Variants in TMEM132B observed in about 807,000 individuals in gnomAD.
TMEM132B encodes the protein transmembrane protein 132B.
Under a neutral mutation model 90.8 loss-of-function variants are expected in TMEM132B, and 18 were observed. The ratio of observed to expected loss-of-function variants is 0.20; its 90% CI spans 0.14 to 0.29. TMEM132B has a LOEUF of 0.29. Among genes scored for constraint, TMEM132B ranks in the 10% least tolerant of loss-of-function variants. The pLI, the probability that TMEM132B is intolerant of heterozygous loss-of-function variation, is 1.00. For synonymous variants in TMEM132B, 504 were observed against 523.3 expected (o/e 0.96, Z 0.50); for missense variants, 1,096 against 1,326.8 (o/e 0.83, Z 2.70).
intron 1 of TMEM132B, among the ~76,000 whole-genome samples, chr12:125,261,532 A>G (rs902435126): frequency 6.6e-6 from 1 of 152,184 alleles, no homozygotes; most frequent in African/African-American, 2.4e-5. Context: ...GTATACCATG[A>G]CCATATTTCC....
intron 1 of TMEM132B, among the ~76,000 whole-genome samples, chr12:125,317,242 G>T (rs906940546): frequency 1.3e-5 from 2 of 152,082 alleles, no homozygotes; most frequent in Non-Finnish European, 2.9e-5. Context: ...AGCATGGGTT[G>T]GTATACTCAA....
chr12:125,536,161 C>G (rs558654578), intron 4 of TMEM132B, among the ~76,000 whole-genome samples: 1 of 152,320 alleles, frequency 6.6e-6, no homozygotes, highest in African/African-American at 2.4e-5. Context: ...GGTCTTTGCT[C>G]TGCAAGGTGT....
rs989075918 is a variant in TMEM132B, at chr12:125,459,256, C to T, written c.1106+43579C>T. ...TCTTCTACGTGTGGGGAACCGCCAGCATGTCCTTGGCTCAAGTCACTCTGG... is the reference window on the plus strand; with the variant it reads ...TCTTCTACGTGTGGGGAACCGCCAGTATGTCCTTGGCTCAAGTCACTCTGG... On this transcript the variant is annotated intron_variant, in intron 3 of 8. Coordinates refer to ENST00000682704, the MANE Select transcript of TMEM132B (RefSeq NM_001366854.1). This position sits in a 1 kb window ranked among gnomAD's most constrained non-coding sequence, Gnocchi z 4.1. Among the ~76,000 whole-genome samples, 6 of 152,168 alleles carry T rather than the reference C, an allele frequency of 3.9e-5. No homozygotes were observed. Among genetic ancestry groups the T allele is most frequent in the Admixed American group, 2.6e-4 (4 of 15,286 alleles).
At chr12:125,509,823 G>A (rs1045301267) in intron 3 of TMEM132B, among the ~76,000 whole-genome samples, 10 of 150,874 alleles carry the variant, frequency 6.6e-5, no homozygotes, top group African/African-American at 2.4e-4. Flanking sequence ...ACAAGGTTCA[G>A]TCCTGCATCC....
At chr12:125,430,267 G>T (rs55845279) in intron 3 of TMEM132B, among the ~76,000 whole-genome samples, 1 of 152,054 alleles carries the variant, frequency 6.6e-6, no homozygotes, top group African/African-American at 2.4e-5. Flanking sequence ...TCGGGTGAGC[G>T]CACTGGCCGG....
chr12:125,223,435 G>A (rs1236212820), intron 1 of TMEM132B, among the ~76,000 whole-genome samples: 4 of 152,100 alleles, frequency 2.6e-5, no homozygotes, highest in Admixed American at 2.6e-4. Flanking sequence ...AAACAACGGA[G>A]TTATTTGTAA....
intron 4 of TMEM132B, among the ~76,000 whole-genome samples, chr12:125,566,934 T>C (rs1884673462): frequency 6.8e-6 from 1 of 147,658 alleles, no homozygotes; most frequent in Admixed American, 6.8e-5. Flanking sequence ...ACCTCCACCT[T>C]CTGGGCTCAA....
chr12:125,620,221 A>G (rs1452817454), intron 5 of TMEM132B, among the ~76,000 whole-genome samples: 1 of 152,370 alleles, frequency 6.6e-6, no homozygotes, highest in African/African-American at 2.4e-5. Flanking sequence ...GCACATAGAC[A>G]TACCTTTCAA....
Position 125,440,502 on chromosome 12 carries a change from T to G in TMEM132B, c.1106+24825T>G, listed in dbSNP as rs115186856. 3.2e-3 allele frequency among the ~76,000 whole-genome samples: 486 copies of G among 152,352 alleles called. 4 individuals carry two copies. The highest frequency in any genetic ancestry group is 0.011 in the African/African-American group (472 of 41,590). ...AACAGATGATGAATTTGATGCATTT[T>G]GATGCTGAGTGACTCATTAGGACCC... On this transcript the variant is annotated intron_variant, in intron 3 of 8. Coordinates refer to ENST00000682704, the MANE Select transcript of TMEM132B (RefSeq NM_001366854.1).
At chr12:125,223,839 C>T (rs750684224) in intron 1 of TMEM132B, among the ~76,000 whole-genome samples, 35 of 151,982 alleles carry the variant, frequency 2.3e-4, no homozygotes, top group South Asian at 1.2e-3. Flanking sequence ...TAGGGTGGCG[C>T]GATCTTGGTT....
intron 3 of TMEM132B, among the ~76,000 whole-genome samples, chr12:125,462,272 C>T (rs978515248): frequency 6.6e-6 from 1 of 152,122 alleles, no homozygotes; most frequent in Non-Finnish European, 1.5e-5. Flanking sequence ...GGACTCTTAG[C>T]CAATTTGATT....
At chr12:125,339,121 A>T (rs1405830267) in intron 1 of TMEM132B, among the ~76,000 whole-genome samples, 1 of 152,312 alleles carries the variant, frequency 6.6e-6, no homozygotes, top group Admixed American at 6.5e-5. Flanking sequence ...TTAACTTGGA[A>T]GGTGGAAAGC....
chr12:125,248,066 C>G (rs548941562), intron 1 of TMEM132B, among the ~76,000 whole-genome samples: 1 of 152,298 alleles, frequency 6.6e-6, no homozygotes, highest in South Asian at 2.1e-4. Flanking sequence ...TCACAGCCAC[C>G]ATGATTTTTA....
chr12:125,227,601 T>C (rs1873712295), intron 1 of TMEM132B, among the ~76,000 whole-genome samples: 1 of 152,122 alleles, frequency 6.6e-6, no homozygotes, highest in Non-Finnish European at 1.5e-5. Flanking sequence ...TGGAGATCTA[T>C]TAGGATGGTT....
At chr12:125,280,075 A>G (rs1162236279) in intron 1 of TMEM132B, among the ~76,000 whole-genome samples, 1 of 152,178 alleles carries the variant, frequency 6.6e-6, no homozygotes, top group Admixed American at 6.5e-5. Context: ...CACCCAGCTC[A>G]TAGGTGGTGG....
intron 1 of TMEM132B, among the ~76,000 whole-genome samples, chr12:125,299,574 C>T (rs905271100): frequency 3.3e-5 from 5 of 152,222 alleles, no homozygotes; most frequent in African/African-American, 1.2e-4. Context: ...CCACCTCTAG[C>T]CCCATGCAGC....
chr12:125,602,249 A>T (rs1885589530), intron 5 of TMEM132B, among the ~76,000 whole-genome samples: 1 of 152,230 alleles, frequency 6.6e-6, no homozygotes, highest in African/African-American at 2.4e-5. Context: ...GCAGCACATC[A>T]AAAAGCTTAT....
At chr12:125,505,195 A>AAAAAAAAAAAAAAAAAAC (rs1183847146) in intron 3 of TMEM132B, among the ~76,000 whole-genome samples, 1 of 147,898 alleles carries the variant, frequency 6.8e-6, no homozygotes, top group African/African-American at 2.5e-5. Context: ...AAAAAAAAAA[A>AAAAAAAAAAAAAAAAAAC]CAGTAAGTGG....
intron 4 of TMEM132B, among the ~76,000 whole-genome samples, chr12:125,580,926 C>A (rs368270158): frequency 6.6e-6 from 1 of 151,984 alleles, no homozygotes; most frequent in Admixed American, 6.6e-5. Context: ...GATCAGGGGA[C>A]GATTTCAATG....
Sources: allele counts gnomAD v4.1 joint callset (sites outside exome capture counted in the v4.1 genomes callset), GRCh38; gene constraint gnomAD v4.1.1; non-coding constraint Gnocchi (gnomAD v3.1); transcripts MANE v1.5; gene names NCBI Gene and HGNC (gene_info 2026-07-23, HGNC 2026-07-21).